TOX3: variants seen among roughly 807,000 people sequenced by gnomAD.
TOX3 encodes the protein CAG trinucleotide repeat-containing gene F9 protein.
Under a neutral mutation model 64.3 loss-of-function variants are expected in TOX3, and 22 were observed. The ratio of observed to expected loss-of-function variants is 0.34; its 90% CI spans 0.24 to 0.49. The LOEUF (loss-of-function observed/expected upper bound fraction) is 0.49. Among genes scored for constraint, TOX3 ranks in the 20% least tolerant of loss-of-function variants. The pLI is 0.99. For missense variants in TOX3, 661 were observed against 714.4 expected, an observed-to-expected ratio of 0.93 and a Z score of 0.85; for synonymous variants, 291 against 273.6, an observed-to-expected ratio of 1.06 and a Z score of -0.63.
intron 1 of TOX3, among the ~76,000 whole-genome samples, chr16:52,485,104 C>T (rs541876045): frequency 2.0e-5 from 3 of 147,992 alleles, no homozygotes; most frequent in Non-Finnish European, 4.5e-5. Flanking sequence ...TATATATATA[C>T]ACATGTATGT....
At chr16:52,485,236 A>ATGTGTGTGTATGTGTGTG (rs1555484132) in intron 1 of TOX3, among the ~76,000 whole-genome samples, 1 of 113,034 alleles carries the variant, frequency 8.8e-6, no homozygotes, top group African/African-American at 3.9e-5. Context: ...GTGTGTGTGT[A>ATGTGTGTGTATGTGTGTG]TGTGTGTGTG....
At chr16:52,546,040 C>A (rs1256463433) in intron 1 of TOX3, among the ~76,000 whole-genome samples, 1 of 152,042 alleles carries the variant, frequency 6.6e-6, no homozygotes, top group Non-Finnish European at 1.5e-5. Context: ...CGGGGAGGGG[C>A]GGGCACCCCG....
At chr16:52,496,580 T>A (rs1006872348) in intron 1 of TOX3, among the ~76,000 whole-genome samples, 2 of 152,224 alleles carry the variant, frequency 1.3e-5, no homozygotes, top group African/African-American at 2.4e-5. Context: ...TAAGTAAATG[T>A]TCAGCGGTAA....
intron 1 of TOX3, among the ~76,000 whole-genome samples, chr16:52,537,595 T>C (rs1009089084): frequency 1.3e-5 from 2 of 152,144 alleles, no homozygotes; most frequent in African/African-American, 4.8e-5. Context: ...TCTCTCATTG[T>C]GACATCAGCA....
In TOX3 at chr16:52,443,483, C is replaced by G. The variant is rs1293716107; in HGVS notation, c.987+793G>C. ...TGAAAAGAGAAAAAAAGGAATGAACCCTTTTTAAATGGCTTTGAGACCCTA... is the reference window on the plus strand; with the variant it reads ...TGAAAAGAGAAAAAAAGGAATGAACGCTTTTTAAATGGCTTTGAGACCCTA... On this transcript the variant is annotated intron_variant, in intron 6 of 6. Coordinates refer to ENST00000219746, the MANE Select transcript of TOX3 (RefSeq NM_001080430.4). Among the ~76,000 whole-genome samples, 4 of 152,044 alleles carry G rather than the reference C, an allele frequency of 2.6e-5. No individual in the cohort carries two copies. The East Asian group carries it at 7.7e-4, about 29-fold the overall frequency.
At chr16:52,524,856 C>T (rs1318770064) in intron 1 of TOX3, among the ~76,000 whole-genome samples, 1 of 152,036 alleles carries the variant, frequency 6.6e-6, no homozygotes, top group East Asian at 1.9e-4. Flanking sequence ...TTCACAACTC[C>T]ACACTTATGC....
intron 5 of TOX3, 73 bp from the exon 6 acceptor site, chr16:52,444,429 T>G: frequency 7.6e-7 from 1 of 1,322,168 alleles, no homozygotes; most frequent in South Asian, 1.4e-5. Context: ...CTGCACAAAT[T>G]AGGTCACATA....
chr16:52,511,673 T>G (rs548464552), intron 1 of TOX3, among the ~76,000 whole-genome samples: 1 of 152,312 alleles, frequency 6.6e-6, no homozygotes, highest in Non-Finnish European at 1.5e-5. Context: ...TCTTTTTGTG[T>G]GTTTGTAGGA....
intron 1 of TOX3, among the ~76,000 whole-genome samples, chr16:52,535,444 C>A (rs781298614): frequency 2.0e-5 from 3 of 152,150 alleles, no homozygotes; most frequent in Non-Finnish European, 4.4e-5. Context: ...GCTGGTCAAA[C>A]CATGGAGGTT....
chr16:52,481,398 T>G (rs931859313), intron 1 of TOX3, among the ~76,000 whole-genome samples: 1 of 152,166 alleles, frequency 6.6e-6, no homozygotes, highest in African/African-American at 2.4e-5. Context: ...TTTTAAAAGA[T>G]CAATAAACCT....
intron 1 of TOX3, among the ~76,000 whole-genome samples, chr16:52,486,671 C>A (rs1961539651): frequency 6.6e-6 from 1 of 152,152 alleles, no homozygotes; most frequent in South Asian, 2.1e-4. Flanking sequence ...GTGCCTCATG[C>A]CTGTAATCCC....
intron 1 of TOX3, among the ~76,000 whole-genome samples, chr16:52,523,505 C>G (rs1962659220): frequency 6.6e-6 from 1 of 152,108 alleles, no homozygotes; most frequent in Non-Finnish European, 1.5e-5. Flanking sequence ...GAGGTCAGTC[C>G]AAGGAAACTA....
intron 3 of TOX3, among the ~76,000 whole-genome samples, chr16:52,458,292 G>A (rs1960583249): frequency 6.6e-6 from 1 of 152,106 alleles, no homozygotes; most frequent in African/African-American, 2.4e-5. Flanking sequence ...TTGCCTTCCT[G>A]GAGCTTCTAT....
intron 1 of TOX3, among the ~76,000 whole-genome samples, chr16:52,494,097 T>C (rs1313032674): frequency 1.3e-5 from 2 of 152,210 alleles, no homozygotes; most frequent in Non-Finnish European, 2.9e-5. Context: ...CTTCTAATAC[T>C]GACAAACAAA....
intron 1 of TOX3, among the ~76,000 whole-genome samples, chr16:52,486,583 G>C (rs1961536541): frequency 6.6e-6 from 1 of 152,126 alleles, no homozygotes; most frequent in South Asian, 2.1e-4. Flanking sequence ...TGGGAGAATG[G>C]AAAAGTGGCT....
intron 1 of TOX3, among the ~76,000 whole-genome samples, chr16:52,517,580 A>T (rs542119138): frequency 6.6e-6 from 1 of 152,302 alleles, no homozygotes; most frequent in South Asian, 2.1e-4. Context: ...ATAAAATATC[A>T]GAGTCATGAG....
At chr16:52,446,776 C>T (rs1020277612) in intron 4 of TOX3, among the ~76,000 whole-genome samples, 1 of 151,968 alleles carries the variant, frequency 6.6e-6, no homozygotes, top group Non-Finnish European at 1.5e-5. Flanking sequence ...AATTTCTATA[C>T]TTGCAGCATT....
chr16:52,518,014 T>C (rs1236173593), intron 1 of TOX3, among the ~76,000 whole-genome samples: 1 of 152,182 alleles, frequency 6.6e-6, no homozygotes, highest in African/African-American at 2.4e-5. Flanking sequence ...GTAACACTTC[T>C]GATAATGTTG....
At chr16:52,516,037 A>T (rs1237683793) in intron 1 of TOX3, among the ~76,000 whole-genome samples, 1 of 152,016 alleles carries the variant, frequency 6.6e-6, no homozygotes, top group Non-Finnish European at 1.5e-5. Flanking sequence ...TACTTGTTTT[A>T]AAAAAATCCT....
Sources: gnomAD v4.1 joint callset for allele counts (sites outside exome capture counted in the v4.1 genomes callset) on GRCh38, gnomAD v4.1.1 for gene constraint, MANE v1.5 for transcripts, NCBI Gene and HGNC (gene_info 2026-07-23, HGNC 2026-07-21) for gene names.